Variants in PLXDC2 observed in about 807,000 individuals in gnomAD.
The protein encoded by PLXDC2 is plexin domain containing 2, also known as plexin domain-containing protein 2.
A neutral mutation model predicts 68.9 loss-of-function variants in PLXDC2; 40 were observed. The ratio of observed to expected loss-of-function variants is 0.58; its 90% CI spans 0.45 to 0.76. The LOEUF is 0.76. Among genes scored for constraint, PLXDC2 ranks in the 30% least tolerant of loss-of-function variants. The pLI, the probability that PLXDC2 is intolerant of heterozygous loss-of-function variation, is 0.00. For synonymous variants in PLXDC2, 243 were observed against 234.2 expected (o/e 1.04, Z -0.34); for missense variants, 644 against 661.9 (o/e 0.97, Z 0.30).
chr10:20,059,031 C>T (rs1366475131), intron 3 of PLXDC2, among the ~76,000 whole-genome samples: 1 of 152,134 alleles, frequency 6.6e-6, no homozygotes, highest in Non-Finnish European at 1.5e-5. Flanking sequence ...ATCAGAAGTA[C>T]CAGGAGCTTG....
chr10:20,110,791 G>T (rs1467858836), intron 4 of PLXDC2, among the ~76,000 whole-genome samples: 2 of 152,114 alleles, frequency 1.3e-5, no homozygotes, highest in Non-Finnish European at 2.9e-5. Context: ...AGTTTTTCAG[G>T]ATCTCTGCAT....
At chr10:19,886,163 A>G (rs1464135998) in intron 1 of PLXDC2, among the ~76,000 whole-genome samples, 2 of 152,054 alleles carry the variant, frequency 1.3e-5, no homozygotes, top group East Asian at 3.8e-4. Flanking sequence ...TGTGTCTGTT[A>G]TTGGTGTATA....
chr10:20,072,519 G>GAAAGAAAGAAAGA (rs1564304767), intron 4 of PLXDC2, among the ~76,000 whole-genome samples: 1 of 100,148 alleles, frequency 1.0e-5, no homozygotes, highest in Non-Finnish European at 1.7e-5. Context: ...AAGAAAGAAA[G>GAAAGAAAGAAAGA]AAAGAAAGAA....
At chr10:20,089,168 A>ATG (rs1442933356) in intron 4 of PLXDC2, among the ~76,000 whole-genome samples, 1 of 124,112 alleles carries the variant, frequency 8.1e-6, no homozygotes, top group East Asian at 2.4e-4. Context: ...ACCTGTATAT[A>ATG]CGTGTGTGTG....
intron 1 of PLXDC2, among the ~76,000 whole-genome samples, chr10:19,998,692 G>C (rs953540183): frequency 6.6e-6 from 1 of 152,126 alleles, no homozygotes; most frequent in Non-Finnish European, 1.5e-5. Flanking sequence ...TTCCAAGTTT[G>C]AGGTAGCAAA....
rs1324866297 is a variant in PLXDC2, at chr10:20,282,785, A to C, written c.*2966A>C. On this transcript the variant is annotated 3_prime_UTR_variant, in exon 14 of 14. Transcript: ENST00000377252. ...CTTGTGTGTGAAGGGTTTGGACTTC[A>C]AGATATACTAACACCTAGAAAACTA... 2 of 152,192 alleles carry C rather than the reference A, an allele frequency of 1.3e-5. No homozygotes were observed. The highest frequency in any genetic ancestry group is 4.8e-5 in the African/African-American group (2 of 41,456). 9.4% of individuals were successfully genotyped at this position (152,192 alleles called of 1,614,324 possible).
chr10:20,141,251 T>G (rs905296192), intron 4 of PLXDC2, among the ~76,000 whole-genome samples: 1 of 151,076 alleles, frequency 6.6e-6, no homozygotes, highest in Non-Finnish European at 1.5e-5. Context: ...GGCAAATCTA[T>G]GTAGAAACAT....
chr10:20,267,064 T>C lies in PLXDC2; in HGVS notation c.1474-12639T>C, dbSNP rs1258015277. ...CTGTTTTCCCAAAAGAACATTTGTATGCTTGAAAAGATAAACAACTCTTTA... is the reference window on the plus strand; with the variant it reads ...CTGTTTTCCCAAAAGAACATTTGTACGCTTGAAAAGATAAACAACTCTTTA... On this transcript the variant is annotated intron_variant, in intron 13 of 13. Transcript: ENST00000377252. Among the ~76,000 whole-genome samples, 6 of 152,314 alleles carry C rather than the reference T, an allele frequency of 3.9e-5. No homozygotes were observed. The East Asian group carries it at 1.2e-3, about 29-fold the overall frequency.
chr10:19,936,150 A>G (rs1426695131), intron 1 of PLXDC2, among the ~76,000 whole-genome samples: 2 of 152,242 alleles, frequency 1.3e-5, no homozygotes, highest in African/African-American at 2.4e-5. Flanking sequence ...TAAGCTTGAT[A>G]TATTTTCACT....
chr10:20,194,786 C>T (rs915827252), intron 9 of PLXDC2, among the ~76,000 whole-genome samples: 10 of 108,722 alleles, frequency 9.2e-5, no homozygotes, highest in Non-Finnish European at 1.7e-4. Context: ...TCCCTCCCCC[C>T]TCCCCCCACC....
chr10:20,148,133 TA>T (rs1172875576), intron 6 of PLXDC2, among the ~76,000 whole-genome samples: 2 of 152,194 alleles, frequency 1.3e-5, no homozygotes, highest in Non-Finnish European at 2.9e-5. Flanking sequence ...ATCAATTTCA[TA>T]AAATTATTGA....
chr10:20,106,886 C>G (rs2252516), intron 4 of PLXDC2, among the ~76,000 whole-genome samples: 40 of 151,252 alleles, frequency 2.6e-4, no homozygotes, highest in Non-Finnish European at 4.9e-4. Flanking sequence ...TTTGCTATAT[C>G]GTGGATGCAT....
At chr10:19,910,803 A>G (rs754611953) in intron 1 of PLXDC2, among the ~76,000 whole-genome samples, 1 of 151,810 alleles carries the variant, frequency 6.6e-6, no homozygotes, top group African/African-American at 2.4e-5. Flanking sequence ...GAGGTCAGGC[A>G]TCCGGGACCA....
At chr10:20,040,889 T>C (rs2131676263) in intron 2 of PLXDC2, among the ~76,000 whole-genome samples, 1 of 152,296 alleles carries the variant, frequency 6.6e-6, no homozygotes, top group South Asian at 2.1e-4. Context: ...AACATTAAAA[T>C]TTTGAGTTTA....
intron 7 of PLXDC2, among the ~76,000 whole-genome samples, chr10:20,166,058 C>A (rs1187602572): frequency 6.6e-6 from 1 of 151,988 alleles, no homozygotes; most frequent in Non-Finnish European, 1.5e-5. Context: ...TCTTTTTCTT[C>A]TTTTATTTGG....
rs553757664 is a variant in PLXDC2, at chr10:20,239,329, A to G, written c.1313-6016A>G. 1.4e-4 allele frequency among the ~76,000 whole-genome samples: 21 copies of G among 152,284 alleles called. No homozygotes were observed. In the South Asian group the frequency reaches 4.4e-3, roughly 32 times the overall value. On this transcript the variant is annotated intron_variant, in intron 12 of 13. Coordinates refer to ENST00000377252, the MANE Select transcript of PLXDC2 (RefSeq NM_032812.9). ...CCTACTAGACTCTGATGAGCTTTGTATTAGTCCATTTTCACACTGCTATCA... is the reference window on the plus strand; with the variant it reads ...CCTACTAGACTCTGATGAGCTTTGTGTTAGTCCATTTTCACACTGCTATCA...
intron 4 of PLXDC2, among the ~76,000 whole-genome samples, chr10:20,100,491 T>G (rs1347583608): frequency 1.3e-5 from 2 of 152,178 alleles, no homozygotes; most frequent in Non-Finnish European, 2.9e-5. Flanking sequence ...AACATTGTGT[T>G]GTCATCAGCC....
intron 4 of PLXDC2, among the ~76,000 whole-genome samples, chr10:20,071,556 C>A (rs148470928): frequency 6.6e-6 from 1 of 152,272 alleles, no homozygotes; most frequent in East Asian, 1.9e-4. Flanking sequence ...TGCTTGCCAC[C>A]ATGTAAGACA....
chr10:19,988,354 T>G (rs1414604650), intron 1 of PLXDC2, among the ~76,000 whole-genome samples: 2 of 152,190 alleles, frequency 1.3e-5, no homozygotes, highest in Admixed American at 1.3e-4. Context: ...GTTCATACTT[T>G]TTTTTCCTTA....
Sources: allele counts gnomAD v4.1 joint callset (sites outside exome capture counted in the v4.1 genomes callset), GRCh38; gene constraint gnomAD v4.1.1; transcripts MANE v1.5; gene names NCBI Gene and HGNC (gene_info 2026-07-23, HGNC 2026-07-21).